UBE2D3: variants seen among roughly 807,000 people sequenced by gnomAD.
UBE2D3 encodes ubiquitin conjugating enzyme E2 D3.
In UBE2D3, 2 loss-of-function variants were observed where a neutral mutation model predicts 22.8. The ratio of observed to expected loss-of-function variants is 0.09; its 90% CI spans 0.04 to 0.28. The LOEUF is 0.28. Among genes scored for constraint, UBE2D3 ranks in the 10% least tolerant of loss-of-function variants. The pLI is 1.00. For synonymous variants in UBE2D3, 56 were observed against 60.4 expected, an observed-to-expected ratio of 0.93 and a Z score of 0.34; for missense variants, 27 against 182.5, an observed-to-expected ratio of 0.15 and a Z score of 4.91.
chr4:102,838,169 T>C (rs1007495574), intron 1 of UBE2D3, among the ~76,000 whole-genome samples: 5 of 152,130 alleles, frequency 3.3e-5, no homozygotes, highest in Non-Finnish European at 4.4e-5. Flanking sequence ...CACATTTAAA[T>C]AGTGTAAACA....
At chr4:102,859,020 G>T (rs1360971899) in intron 1 of UBE2D3, among the ~76,000 whole-genome samples, 2 of 151,748 alleles carry the variant, frequency 1.3e-5, no homozygotes, top group East Asian at 3.9e-4. Flanking sequence ...TTTTCATGTT[G>T]CTAATTAGCA....
chr4:102,801,626 A>T, intron 5 of UBE2D3, 67 bp from the exon 6 acceptor site: 1 of 1,274,278 alleles, frequency 7.8e-7, no homozygotes, highest in Non-Finnish European at 1.1e-6. Context: ...AAAACTTAAA[A>T]TAATCAAGCC....
chr4:102,827,661 C>A (rs1730801394), upstream of UBE2D3: 2 of 986,176 alleles, frequency 2.0e-6, no homozygotes, highest in Admixed American at 1.2e-4. Context: ...AGGCCGAAGC[C>A]AGACGGCTTG....
chr4:102,841,686 C>T (rs1731764928), intron 1 of UBE2D3, among the ~76,000 whole-genome samples: 1 of 152,156 alleles, frequency 6.6e-6, no homozygotes, highest in Non-Finnish European at 1.5e-5. Flanking sequence ...TGAGGGCCTA[C>T]AAGGTCACTA....
intron 1 of UBE2D3, among the ~76,000 whole-genome samples, chr4:102,855,033 T>G (rs1426605716): frequency 1.3e-5 from 2 of 152,156 alleles, no homozygotes; most frequent in Non-Finnish European, 2.9e-5. Flanking sequence ...TACTATAGAA[T>G]ATTGGGGCAT....
chr4:102,801,433 T>C, intron 6 of UBE2D3, 21 bp downstream of exon 6: 2 of 1,581,196 alleles, frequency 1.3e-6, no homozygotes, highest in Non-Finnish European at 1.7e-6. Context: ...GAGAACAGCT[T>C]ATTTCACTAG....
intron 1 of UBE2D3, among the ~76,000 whole-genome samples, chr4:102,862,214 G>A (rs1297226044): frequency 6.6e-6 from 1 of 151,912 alleles, no homozygotes; most frequent in African/African-American, 2.4e-5. Flanking sequence ...AGGCAAGGCA[G>A]TTCCAAATGT....
chr4:102,823,951 C>CT (rs1160660250), intron 2 of UBE2D3, among the ~76,000 whole-genome samples: 1 of 152,300 alleles, frequency 6.6e-6, no homozygotes, highest in East Asian at 1.9e-4. Flanking sequence ...GTAACACAAG[C>CT]ATACCATACT....
intron 2 of UBE2D3, among the ~76,000 whole-genome samples, chr4:102,819,220 C>T (rs3974626): frequency 0.018 from 2,744 of 151,870 alleles, 78 homozygotes; most frequent in African/African-American, 0.06. Flanking sequence ...ATCCCAGCTA[C>T]TCGAGAGGCT....
intron 1 of UBE2D3, among the ~76,000 whole-genome samples, chr4:102,848,577 G>A (rs550918749): frequency 1.7e-4 from 25 of 151,018 alleles, no homozygotes; most frequent in African/African-American, 2.7e-4. Flanking sequence ...CCTGGGAGGC[G>A]GAGGATGCAG....
At chr4:102,804,098 T>A (rs748189644) in intron 4 of UBE2D3, among the ~76,000 whole-genome samples, 3 of 150,966 alleles carry the variant, frequency 2.0e-5, no homozygotes, top group African/African-American at 4.9e-5. Flanking sequence ...TCCTTCTCCA[T>A]CTCCCAAGTC....
Position 102,847,821 on chromosome 4 carries a change from A to T in UBE2D3, c.-129+20894T>A, listed in dbSNP as rs574549965. 7.5e-3 allele frequency among the ~76,000 whole-genome samples: 1,134 copies of T among 151,504 alleles called. 8 individuals are homozygous for T. The highest frequency in any genetic ancestry group is 0.026 in the African/African-American group (1,064 of 41,288). On this transcript the variant is annotated intron_variant, in intron 1 of 7. Coordinates refer to the UBE2D3 transcript ENST00000338145. ...ACCATGCGCAGCTAATTAAAAAAAA[A>T]TTTTTTTAGAGATGGGGTCTTGCAG...
At chr4:102,819,541 G>C (rs945504539) in intron 2 of UBE2D3, 2 of 984,602 alleles carry the variant, frequency 2.0e-6, no homozygotes, top group African/African-American at 1.7e-5. Context: ...CCAAAAGGTA[G>C]CATTTATGAA....
intron 2 of UBE2D3, among the ~76,000 whole-genome samples, chr4:102,818,147 G>T (rs1025882068): frequency 9.2e-5 from 14 of 152,072 alleles, no homozygotes; most frequent in African/African-American, 3.4e-4. Context: ...GTTTGGTTGG[G>T]GACACTGACT....
intron 4 of UBE2D3, among the ~76,000 whole-genome samples, chr4:102,803,500 A>T (rs1296834954): frequency 1.3e-5 from 2 of 152,216 alleles, no homozygotes; most frequent in African/African-American, 2.4e-5. Context: ...GCCTGACACT[A>T]ACACAGCTCA....
At chr4:102,827,349 C>G in intron 1 of UBE2D3, 78 bp downstream of exon 1, 1 of 982,588 alleles carries the variant, frequency 1.0e-6, no homozygotes, top group South Asian at 4.7e-5. Context: ...CCGCCCAGGT[C>G]CCGCACTGCC....
intron 1 of UBE2D3, chr4:102,868,588 A>T: frequency 8.5e-7 from 1 of 1,171,966 alleles, no homozygotes; most frequent in Non-Finnish European, 1.3e-6. Flanking sequence ...GAGTAAAATT[A>T]GGCACTGGGG....
intron 2 of UBE2D3, among the ~76,000 whole-genome samples, chr4:102,820,557 G>T (rs887989275): frequency 3.3e-5 from 5 of 152,070 alleles, no homozygotes; most frequent in African/African-American, 1.2e-4. Flanking sequence ...TACTAAGAAT[G>T]GATTGAATAT....
intron 1 of UBE2D3, among the ~76,000 whole-genome samples, chr4:102,854,856 G>A (rs1732552972): frequency 6.6e-6 from 1 of 152,184 alleles, no homozygotes; most frequent in Non-Finnish European, 1.5e-5. Context: ...TTAGTGTTAG[G>A]AGTAAGTTCT....
Sources: gnomAD v4.1 joint callset for allele counts (sites outside exome capture counted in the v4.1 genomes callset) on GRCh38, gnomAD v4.1.1 for gene constraint, MANE v1.5 for transcripts, NCBI Gene and HGNC (gene_info 2026-07-23, HGNC 2026-07-21) for gene names.